The following TESC variants were observed in gnomAD, a reference collection of about 807,000 sequenced individuals.
The protein encoded by TESC is tescalcin.
Under a neutral mutation model 31.0 loss-of-function variants are expected in TESC, and 19 were observed. The ratio of observed to expected loss-of-function variants is 0.61; its 90% confidence interval spans 0.43 to 0.90. The LOEUF is 0.90. Ranked by LOEUF, TESC falls within the 40% of genes least tolerant of loss-of-function variation. The pLI is 0.00. For synonymous variants in TESC, 109 were observed against 114.8 expected, an observed-to-expected ratio of 0.95 and a Z score of 0.32; for missense variants, 248 against 303.8, an observed-to-expected ratio of 0.82 and a Z score of 1.36.
chr12:117,088,475 G>A (rs1029353144), intron 1 of TESC, among the ~76,000 whole-genome samples: 1 of 152,158 alleles, frequency 6.6e-6, no homozygotes, highest in African/African-American at 2.4e-5. Flanking sequence ...GAGGCCAGGA[G>A]TTTGAGACCA....
intron 4 of TESC, among the ~76,000 whole-genome samples, chr12:117,047,703 T>C (rs926904504): frequency 1.1e-4 from 16 of 151,626 alleles, no homozygotes; most frequent in Non-Finnish European, 1.5e-5. Context: ...GGATTACAGG[T>C]GTGAGCCACC....
intron 7 of TESC, among the ~76,000 whole-genome samples, chr12:117,039,973 T>TG (rs113705779): frequency 5.3e-5 from 8 of 152,098 alleles, no homozygotes; most frequent in South Asian, 4.2e-4. Flanking sequence ...GATGGTAGGA[T>TG]GGGGGGGTGC....
intron 6 of TESC, among the ~76,000 whole-genome samples, chr12:117,046,152 CCT>C (rs1219828483): frequency 6.6e-6 from 1 of 152,208 alleles, no homozygotes; most frequent in Non-Finnish European, 1.5e-5. Flanking sequence ...CCTGCTGACC[CCT>C]GCCTTCGAGG....
At chr12:117,046,382 T>C (rs1310456446) in intron 6 of TESC, 177 bp downstream of exon 6, 2 of 642,586 alleles carry the variant, frequency 3.1e-6, no homozygotes, top group Non-Finnish European at 5.3e-6. Flanking sequence ...TCTGGGGACT[T>C]GGACCTTCAG....
At chr12:117,054,031 C>T (rs964556304) in intron 3 of TESC, 2 of 152,218 alleles carry the variant, frequency 1.3e-5, no homozygotes, top group Non-Finnish European at 2.9e-5. Context: ...TTCACAGTCA[C>T]TTAAGCTCCA....
intron 3 of TESC, among the ~76,000 whole-genome samples, chr12:117,055,291 G>A (rs1385983582): frequency 7.2e-5 from 11 of 152,082 alleles, no homozygotes; most frequent in African/African-American, 2.4e-4. Flanking sequence ...ACAGGTGTAC[G>A]CCACCACATC....
intron 1 of TESC, among the ~76,000 whole-genome samples, chr12:117,088,618 T>C (rs1488848002): frequency 2.1e-5 from 3 of 145,408 alleles, no homozygotes; most frequent in Non-Finnish European, 4.5e-5. Context: ...GAGGCGGAGG[T>C]GGCAGTGAGC....
intron 6 of TESC, 65 bp from the exon 7 acceptor site, chr12:117,042,059 A>G: frequency 1.3e-6 from 2 of 1,511,266 alleles, no homozygotes; most frequent in Non-Finnish European, 9.0e-7. Context: ...CCGCAGGGGG[A>G]CGGTCCACTG....
At chr12:117,044,696 G>C (rs142963908) in intron 6 of TESC, among the ~76,000 whole-genome samples, 1 of 152,190 alleles carries the variant, frequency 6.6e-6, no homozygotes, top group Non-Finnish European at 1.5e-5. Context: ...TCAGGAGTTC[G>C]AGACCAGCTG....
At chr12:117,069,094 A>AT (rs1429947238) in intron 2 of TESC, among the ~76,000 whole-genome samples, 1 of 142,018 alleles carries the variant, frequency 7.0e-6, no homozygotes, top group Admixed American at 6.7e-5. Context: ...TTAGATAGAA[A>AT]TTCCTTTTTT....
intron 4 of TESC, among the ~76,000 whole-genome samples, chr12:117,047,178 G>A (rs114075411): frequency 2.2e-3 from 330 of 152,332 alleles, no homozygotes; most frequent in African/African-American, 7.6e-3. Context: ...AGCGTTACCC[G>A]TTAACACAAG....
At chr12:117,087,434 T>A (rs1207080353) in intron 1 of TESC, among the ~76,000 whole-genome samples, 1 of 152,204 alleles carries the variant, frequency 6.6e-6, no homozygotes, top group Non-Finnish European at 1.5e-5. Context: ...CCAAGGGTCC[T>A]GTTAGGATCT....
chr12:117,052,966 A>G (rs1954669787), intron 3 of TESC, among the ~76,000 whole-genome samples: 1 of 152,036 alleles, frequency 6.6e-6, no homozygotes, highest in Non-Finnish European at 1.5e-5. Flanking sequence ...GTAATCCCCA[A>G]TCCCACCTGG....
chr12:117,062,828 G>A (rs1954816864), intron 2 of TESC, among the ~76,000 whole-genome samples: 1 of 152,218 alleles, frequency 6.6e-6, no homozygotes, highest in African/African-American at 2.4e-5. Flanking sequence ...AGGTGTCGCA[G>A]CCCAGGCTGC....
At chr12:117,061,619 T>C (rs1470074237) in intron 2 of TESC, among the ~76,000 whole-genome samples, 1 of 151,962 alleles carries the variant, frequency 6.6e-6, no homozygotes, top group Non-Finnish European at 1.5e-5. Flanking sequence ...CCCCAGTGGG[T>C]GTGTAAATGG....
At chr12:117,047,767 G>T (rs992334372) in intron 4 of TESC, among the ~76,000 whole-genome samples, 1 of 151,694 alleles carries the variant, frequency 6.6e-6, no homozygotes, top group Non-Finnish European at 1.5e-5. Context: ...TCAGAGATGG[G>T]GTCTCACTCT....
At chr12:117,074,598 C>T (rs1359263135) in intron 2 of TESC, among the ~76,000 whole-genome samples, 1 of 152,082 alleles carries the variant, frequency 6.6e-6, no homozygotes, top group Non-Finnish European at 1.5e-5. Context: ...CAGCCTGAGC[C>T]CCTAAGTCGG....
chr12:117,048,262 T>C (rs973744718), intron 4 of TESC, among the ~76,000 whole-genome samples: 1 of 152,180 alleles, frequency 6.6e-6, no homozygotes, highest in African/African-American at 2.4e-5. Context: ...CCACGCCCCT[T>C]GGAGCAGACA....
At chr12:117,066,556 A>G (rs1954886714) in intron 2 of TESC, among the ~76,000 whole-genome samples, 1 of 151,944 alleles carries the variant, frequency 6.6e-6, no homozygotes, top group Non-Finnish European at 1.5e-5. Flanking sequence ...TATTTTTAGT[A>G]GAAATTCACT....
Sources: allele counts gnomAD v4.1 joint callset (sites outside exome capture counted in the v4.1 genomes callset), GRCh38; gene constraint gnomAD v4.1.1; transcripts MANE v1.5; gene names NCBI Gene and HGNC (gene_info 2026-07-23, HGNC 2026-07-21).